MGAT4C: variants seen among roughly 807,000 people sequenced by gnomAD.
The protein encoded by MGAT4C is MGAT4 family member C, also known as alpha-1,3-mannosyl-glycoprotein 4-beta-N-acetylglucosaminyltransferase C.
A neutral mutation model predicts 40.1 loss-of-function variants in MGAT4C; 19 were observed. The ratio of observed to expected loss-of-function variants is 0.47; its 90% CI spans 0.33 to 0.70. MGAT4C has a LOEUF of 0.70. MGAT4C is among the 30% of genes least tolerant of loss of function. The pLI is 0.02. For missense variants in MGAT4C, 491 were observed against 563.2 expected, an observed-to-expected ratio of 0.87 and a Z score of 1.30; for synonymous variants, 181 against 187.1, an observed-to-expected ratio of 0.97 and a Z score of 0.27.
At chr12:86,628,404 A>C (rs190767556) in intron 2 of MGAT4C, among the ~76,000 whole-genome samples, 1 of 152,320 alleles carries the variant, frequency 6.6e-6, no homozygotes, top group East Asian at 1.9e-4. Context: ...AACACCACAA[A>C]GATACTCCTC....
rs185949586 is a variant in MGAT4C, at chr12:86,723,228, C to A, written c.-229+3981G>T. 1.0e-3 allele frequency among the ~76,000 whole-genome samples: 154 copies of A among 152,256 alleles called. 1 individual carries two copies. Among genetic ancestry groups the A allele is most frequent in the African/African-American group, 3.6e-3 (151 of 41,558 alleles). On this transcript the variant is annotated intron_variant, in intron 2 of 7. Transcript: ENST00000548651. Reference sequence around the variant, plus strand: ...ATAAATAAATAATTACAGTGTATGACTTCCTACATAAATTCCCTAAGCCAC... The same window carrying A: ...ATAAATAAATAATTACAGTGTATGAATTCCTACATAAATTCCCTAAGCCAC...
intron 2 of MGAT4C, among the ~76,000 whole-genome samples, chr12:86,033,452 TCA>T (rs1890943562): frequency 6.7e-6 from 1 of 149,674 alleles, no homozygotes; most frequent in African/African-American, 2.4e-5. Flanking sequence ...ATTTTATCTC[TCA>T]CTGTGGAAGT....
chr12:86,512,210 C>G (rs1958600169), intron 2 of MGAT4C, among the ~76,000 whole-genome samples: 1 of 152,008 alleles, frequency 6.6e-6, no homozygotes, highest in Non-Finnish European at 1.5e-5. Context: ...AAATCAAACT[C>G]ACAATGATAT....
chr12:86,240,968 A>G (rs1000916488), intron 1 of MGAT4C, among the ~76,000 whole-genome samples: 3 of 151,926 alleles, frequency 2.0e-5, no homozygotes, highest in South Asian at 4.1e-4. Context: ...CTTTAATGTC[A>G]TGGATAATTT....
chr12:86,194,221 A>G (rs1364968405), intron 1 of MGAT4C, among the ~76,000 whole-genome samples: 1 of 152,178 alleles, frequency 6.6e-6, no homozygotes, highest in Non-Finnish European at 1.5e-5. Context: ...CTTGTTGTAT[A>G]CATTAATCAT....
chr12:86,601,599 A>G (rs1035047312), intron 2 of MGAT4C, among the ~76,000 whole-genome samples: 1 of 152,114 alleles, frequency 6.6e-6, no homozygotes, highest in African/African-American at 2.4e-5. Context: ...GAAGCAGGCC[A>G]GGAACTCAGG....
intron 1 of MGAT4C, among the ~76,000 whole-genome samples, chr12:86,743,440 C>T (rs1026309558): frequency 6.6e-6 from 1 of 151,314 alleles, no homozygotes; most frequent in African/African-American, 2.4e-5. Flanking sequence ...CCAGCTTTCT[C>T]CTGAAGAGAT....
chr12:86,764,013 C>A (rs933959118), intron 1 of MGAT4C, among the ~76,000 whole-genome samples: 1 of 151,932 alleles, frequency 6.6e-6, no homozygotes, highest in Admixed American at 6.6e-5. Flanking sequence ...ACAGTTGGTG[C>A]GGGGCAGTGG....
intron 1 of MGAT4C, among the ~76,000 whole-genome samples, chr12:86,814,687 G>A (rs1298130170): frequency 6.6e-6 from 1 of 151,880 alleles, no homozygotes; most frequent in Non-Finnish European, 1.5e-5. Flanking sequence ...GATATTCCAA[G>A]GTCGAGCTTT....
chr12:86,654,340 G>A (rs1432551792), intron 2 of MGAT4C, among the ~76,000 whole-genome samples: 3 of 31,340 alleles, frequency 9.6e-5, no homozygotes, highest in Non-Finnish European at 6.2e-4. Flanking sequence ...TAAGTTTGTG[G>A]GGTTTTTTTT....
At chr12:86,709,907 A>G (rs1363057046) in intron 2 of MGAT4C, among the ~76,000 whole-genome samples, 1 of 152,182 alleles carries the variant, frequency 6.6e-6, no homozygotes, top group Non-Finnish European at 1.5e-5. Flanking sequence ...TCTTGTATAC[A>G]CACAAAAATG....
rs1963403324 is a variant in MGAT4C at position 86,641,955 on chromosome 12, A to T, written c.-229+85254T>A. On this transcript the variant is annotated intron_variant, in intron 2 of 7. Transcript: ENST00000548651. ...TTTTCCTAAGAAATAATTTTGATAAAGTGTTATGTATTCATTTAGTAAAAT... is the reference window on the plus strand; with the variant it reads ...TTTTCCTAAGAAATAATTTTGATAATGTGTTATGTATTCATTTAGTAAAAT... Among the ~76,000 whole-genome samples, 3 of 151,848 alleles carry T rather than the reference A, an allele frequency of 2.0e-5. No homozygotes were observed. In the South Asian group the frequency reaches 6.2e-4, roughly 31 times the overall value.
At chr12:86,748,078 A>G (rs1203417995) in intron 1 of MGAT4C, among the ~76,000 whole-genome samples, 2 of 151,592 alleles carry the variant, frequency 1.3e-5, no homozygotes, top group Non-Finnish European at 3.0e-5. Flanking sequence ...TTATCAGTGG[A>G]TATCTGATTA....
At position 86,226,301 on chromosome 12, in the gene MGAT4C, A is replaced by G. The variant is rs148381191; in HGVS notation, c.-57+29938T>C. 2.6e-5 allele frequency among the ~76,000 whole-genome samples: 4 copies of G among 152,068 alleles called. No homozygotes were observed. In the East Asian group the frequency reaches 7.7e-4, roughly 29 times the overall value. On this transcript the variant is annotated intron_variant, in intron 1 of 4. Transcript: ENST00000611864. ...CCCTATCAGAACCATAGAATTTGCA[A>G]AGTCTTAAAATGTGAGGTATATTTA...
intron 2 of MGAT4C, among the ~76,000 whole-genome samples, chr12:86,639,123 C>T (rs1963306291): frequency 6.6e-6 from 1 of 151,732 alleles, no homozygotes; most frequent in Non-Finnish European, 1.5e-5. Flanking sequence ...TTTTGGGACA[C>T]TCTGCTCTCT....
intron 1 of MGAT4C, among the ~76,000 whole-genome samples, chr12:86,800,458 A>G (rs1169517320): frequency 6.6e-6 from 1 of 151,830 alleles, no homozygotes; most frequent in Admixed American, 6.6e-5. Context: ...ATCTGTTTTA[A>G]GTACCCAGAA....
intron 1 of MGAT4C, among the ~76,000 whole-genome samples, chr12:86,243,739 AC>A (rs1327710660): frequency 6.6e-6 from 1 of 152,004 alleles, no homozygotes; most frequent in African/African-American, 2.4e-5. Context: ...CTGAAAACGA[AC>A]CCTGAACTCC....
chr12:86,426,670 G>A (rs1274515936), intron 3 of MGAT4C, among the ~76,000 whole-genome samples: 6 of 152,270 alleles, frequency 3.9e-5, no homozygotes, highest in Admixed American at 1.3e-4. Flanking sequence ...GAGAAGGGCC[G>A]GGCGTGGTGG....
intron 3 of MGAT4C, among the ~76,000 whole-genome samples, chr12:86,336,144 T>C (rs1471141174): frequency 6.6e-6 from 1 of 152,194 alleles, no homozygotes; most frequent in Non-Finnish European, 1.5e-5. Flanking sequence ...TTTTTATTTG[T>C]ATTATTTTTA....
Sources: allele counts gnomAD v4.1 joint callset (sites outside exome capture counted in the v4.1 genomes callset), GRCh38; gene constraint gnomAD v4.1.1; transcripts MANE v1.5; gene names NCBI Gene and HGNC (gene_info 2026-07-23, HGNC 2026-07-21).